MACIR: variants seen among roughly 807,000 people sequenced by gnomAD.
The protein encoded by MACIR is macrophage immunometabolism regulator.
Under a neutral mutation model 14.3 loss-of-function variants are expected in MACIR, and 4 were observed. The ratio of observed to expected loss-of-function variants is 0.28; its 90% CI spans 0.14 to 0.64. The LOEUF (loss-of-function observed/expected upper bound fraction) is 0.64. Among genes scored for constraint, MACIR ranks in the 30% least tolerant of loss-of-function variants. MACIR has a pLI of 0.83. For synonymous variants in MACIR, 101 were observed against 102.4 expected (o/e 0.99, Z 0.08); for missense variants, 228 against 257.6 (o/e 0.89, Z 0.79).
At chr5:103,261,637 T>TC (rs1554236265) in intron 1 of MACIR, among the ~76,000 whole-genome samples, 33 of 146,528 alleles carry the variant, frequency 2.3e-4, no homozygotes, top group Admixed American at 4.1e-4. Context: ...CCTGTTTTTC[T>TC]TTTTCTTTCT....
rs76116154 is a variant in MACIR, at chr5:103,275,748, C to T, written c.-23-149C>T. The T allele has an allele frequency of 1.5e-3, 904 of 620,868 alleles. 6 individuals are homozygous for T. The highest frequency in any genetic ancestry group is 0.014 in the East Asian group (491 of 35,394). 38.5% of individuals were successfully genotyped at this position (620,868 alleles called of 1,614,324 possible). A position where few individuals can be genotyped will look rare whatever the true frequency, so the allele number is the denominator to read the frequency against. On this transcript the variant is annotated intron_variant, in intron 2 of 2. Coordinates refer to ENST00000319933, the MANE Select transcript of MACIR (RefSeq NM_033211.4). ...TTGTCATTTCATGCCCGCTCTGAAA[C>T]GTTTAGTAGACATAGTTACATGTCA...
intron 1 of MACIR, among the ~76,000 whole-genome samples, chr5:103,265,702 A>G (rs1554236697): frequency 6.6e-6 from 1 of 152,174 alleles, no homozygotes. Context: ...AGTACAGAGA[A>G]ATACACATGA....
At position 103,277,153 on chromosome 5, in the gene MACIR, A is replaced by C. The variant is rs1401172812; in HGVS notation, c.*613A>C. On this transcript the variant is annotated 3_prime_UTR_variant, in exon 3 of 3. Transcript: ENST00000319933. ...TGAGCAATGAATTTTTTATTTCCGCATGGAAAGTTATTGATCTCTATGGCT... is the reference window on the plus strand; with the variant it reads ...TGAGCAATGAATTTTTTATTTCCGCCTGGAAAGTTATTGATCTCTATGGCT... 1.2e-5 allele frequency: 2 copies of C among 167,044 alleles called. No homozygotes were observed. Among genetic ancestry groups the C allele is most frequent in the Non-Finnish European group, 2.9e-5 (2 of 68,106 alleles). 10.3% of individuals were successfully genotyped at this position (167,044 alleles called of 1,614,324 possible).
intron 2 of MACIR, among the ~76,000 whole-genome samples, chr5:103,273,972 C>T (rs1246094841): frequency 6.6e-6 from 1 of 151,958 alleles, no homozygotes; most frequent in Non-Finnish European, 1.5e-5. Flanking sequence ...AGTGTGGTGC[C>T]CAGTCTTGGT....
chr5:103,268,737 A>G (rs1002104192), intron 2 of MACIR, among the ~76,000 whole-genome samples: 1 of 152,150 alleles, frequency 6.6e-6, no homozygotes, highest in Non-Finnish European at 1.5e-5. Context: ...TCTGGTGTAG[A>G]CAAGTTTGGG....
chr5:103,262,287 A>G (rs1554236372), intron 1 of MACIR, among the ~76,000 whole-genome samples: 1 of 66,554 alleles, frequency 1.5e-5, no homozygotes, highest in Non-Finnish European at 2.9e-5. Context: ...TGAATATCTA[A>G]GTGGGTACAC....
chr5:103,259,417 G>C (rs1279292442), intron 1 of MACIR: 4 of 152,146 alleles, frequency 2.6e-5, no homozygotes, highest in African/African-American at 9.7e-5. Flanking sequence ...ACGCTCGCTC[G>C]CTCCCTCCCT....
At chr5:103,266,280 A>C (rs1804920229) in intron 2 of MACIR, among the ~76,000 whole-genome samples, 1 of 152,158 alleles carries the variant, frequency 6.6e-6, no homozygotes, top group Non-Finnish European at 1.5e-5. Context: ...CTTATGAAAT[A>C]ATATTTCAAA....
rs70990427 is a variant in MACIR, at chr5:103,260,050, CGTGT to C, written c.-114+1177_-114+1180del. On this transcript the variant is annotated intron_variant, in intron 1 of 2. Coordinates refer to ENST00000319933, the MANE Select transcript of MACIR (RefSeq NM_033211.4). ...CTGATTTGGGTGGAACCAAGATTTC[CGTGT>C]GTGTGTGTGTGTGTGTGTGTGTTTG... Among the ~76,000 whole-genome samples, 216 of 138,800 alleles carry C rather than the reference CGTGT, an allele frequency of 1.6e-3. 1 individual carries two copies. Among genetic ancestry groups the C allele is most frequent in the African/African-American group, 4.7e-3 (189 of 39,802 alleles). 91.1% of individuals were successfully genotyped at this position (138,800 alleles called of 152,430 possible).
chr5:103,269,754 C>T (rs1805059941), intron 2 of MACIR, among the ~76,000 whole-genome samples: 1 of 152,104 alleles, frequency 6.6e-6, no homozygotes, highest in African/African-American at 2.4e-5. Flanking sequence ...CACGGGGTTC[C>T]ACTCACGTGT....
At chr5:103,260,432 G>A (rs1554236150) in intron 1 of MACIR, among the ~76,000 whole-genome samples, 1 of 151,262 alleles carries the variant, frequency 6.6e-6, no homozygotes, top group African/African-American at 2.4e-5. Context: ...TTTAATGAAT[G>A]TGTCACAGAA....
Position 103,278,607 on chromosome 5 carries a change from C to G in MACIR, c.*2067C>G, listed in dbSNP as rs1276211285. 2.4e-5 allele frequency: 4 copies of G among 167,090 alleles called. No homozygotes were observed. In the Admixed American group the frequency reaches 2.6e-4, roughly 11 times the overall value. 10.4% of individuals were successfully genotyped at this position (167,090 alleles called of 1,614,324 possible). ...CAACTGGTTACCTATGAGACCTGTT[C>G]TGTCCGTGTGCCTACGTTCCTTAAT... On this transcript the variant is annotated 3_prime_UTR_variant, in exon 3 of 3. Coordinates refer to ENST00000319933, the MANE Select transcript of MACIR (RefSeq NM_033211.4).
intron 2 of MACIR, among the ~76,000 whole-genome samples, chr5:103,267,027 A>G (rs573348238): frequency 3.1e-4 from 47 of 152,298 alleles, no homozygotes; most frequent in African/African-American, 1.1e-3. Context: ...TGGCCTGGTC[A>G]CTGACTCAGC....
In MACIR at chr5:103,278,435, C is replaced by T. The variant is rs868923827; in HGVS notation, c.*1895C>T. On this transcript the variant is annotated 3_prime_UTR_variant, in exon 3 of 3. Coordinates refer to ENST00000319933, the MANE Select transcript of MACIR (RefSeq NM_033211.4). Reference sequence around the variant, plus strand: ...ACAGGCTACTTACTGTTCAAGAATTCCACTGAAGCACTTATTTTAAGGCCC... The same window carrying T: ...ACAGGCTACTTACTGTTCAAGAATTTCACTGAAGCACTTATTTTAAGGCCC... The T allele has an allele frequency of 6.6e-5, 11 of 167,164 alleles. No homozygotes were observed. The highest frequency in any genetic ancestry group is 3.4e-3 in the Middle Eastern group (1 of 296). 10.4% of individuals were successfully genotyped at this position (167,164 alleles called of 1,614,324 possible). A position where few individuals can be genotyped will look rare whatever the true frequency, so the allele number is the denominator to read the frequency against.
At chr5:103,261,693 T>TCTTTCTTTCTTC (rs1301111002) in intron 1 of MACIR, among the ~76,000 whole-genome samples, 28 of 119,398 alleles carry the variant, frequency 2.3e-4, no homozygotes, top group African/African-American at 9.9e-4. Flanking sequence ...TTTCTTTCTT[T>TCTTTCTTTCTTC]CTTTCTTTCT....
intron 1 of MACIR, chr5:103,259,452 G>A (rs1168104315): frequency 1.3e-5 from 2 of 152,174 alleles, no homozygotes; most frequent in Non-Finnish European, 2.9e-5. Context: ...GCACCGCGGG[G>A]CAGCGGGCCT....
chr5:103,272,401 C>A (rs553588490), intron 2 of MACIR, among the ~76,000 whole-genome samples: 1 of 149,450 alleles, frequency 6.7e-6, no homozygotes, highest in East Asian at 2.0e-4. Context: ...TTAGGAGGTA[C>A]CCAGACTTCT....
rs1554237676 is a variant in MACIR at position 103,276,173 on chromosome 5, C to A, written c.254C>A (p.Ala85Glu). The change falls in exon 3 of 3, where the codon GCA becomes GAA. Residue 85 changes from alanine (A) to glutamate (E), a missense_variant. Physicochemically the swap from Ala to Glu is moderately radical, Grantham distance 107 (BLOSUM62 -1). Transcript: ENST00000319933. ...QKCTGGEESK[A>E]EAMPSLRSKQ... ...TGCACAGGAGGTGAAGAGAGCAAAG[C>A]AGAAGCCATGCCATCCTTACGCTCC... 1.2e-6 allele frequency: 2 copies of A among 1,613,840 alleles called. No individual in the cohort carries two copies. Among genetic ancestry groups the A allele is most frequent in the South Asian group, 1.1e-5 (1 of 91,062 alleles).
chr5:103,271,280 G>A (rs1222434050), intron 2 of MACIR, among the ~76,000 whole-genome samples: 2 of 152,102 alleles, frequency 1.3e-5, no homozygotes, highest in African/African-American at 4.8e-5. Flanking sequence ...AAGGAGCCAA[G>A]GGCATTTAGG....
Sources: allele counts gnomAD v4.1 joint callset (sites outside exome capture counted in the v4.1 genomes callset), GRCh38; gene constraint gnomAD v4.1.1; transcripts MANE v1.5; gene names NCBI Gene and HGNC (gene_info 2026-07-23, HGNC 2026-07-21).